The following PLEKHA8 variants were observed in gnomAD, a reference collection of about 807,000 sequenced individuals.
PLEKHA8 encodes the protein pleckstrin homology domain-containing family A member 8.
PLEKHA8 carries 36 observed loss-of-function variants against 68.2 expected under a neutral mutation model. The observed-to-expected ratio is 0.53, with a 90% CI of 0.40 to 0.70. The LOEUF is 0.70. PLEKHA8 is among the 30% of genes least tolerant of loss of function. The pLI is 0.00. For synonymous variants in PLEKHA8, 211 were observed against 216.1 expected (o/e 0.98, Z 0.20); for missense variants, 505 against 615.4 (o/e 0.82, Z 1.90).
rs1365361477 is a variant in PLEKHA8 at position 30,043,531 on chromosome 7, GA to G, written c.41-1553del. Among the ~76,000 whole-genome samples the G allele has an allele frequency of 5.3e-5, 8 of 152,288 alleles. No individual in the cohort carries two copies. The South Asian group carries it at 6.2e-4, about 12-fold the overall frequency. The stretch of plus-strand genomic sequence containing the variant: ...TAAGTTCAGATATTATGGGAGAGTG[GA>G]TGCTGGGAATTAGTGTTTATTTAGT... On this transcript the variant is annotated intron_variant, in intron 1 of 13. Coordinates refer to ENST00000449726, the MANE Select transcript of PLEKHA8 (RefSeq NM_001197026.2).
chr7:30,053,977 C>T (rs886150224), intron 7 of PLEKHA8, among the ~76,000 whole-genome samples: 2 of 152,164 alleles, frequency 1.3e-5, no homozygotes, highest in Admixed American at 1.3e-4. Context: ...TCACGGTGAA[C>T]AGCACTATTA....
intron 12 of PLEKHA8, among the ~76,000 whole-genome samples, chr7:30,063,665 G>C (rs1346622347): frequency 6.6e-6 from 1 of 152,108 alleles, no homozygotes; most frequent in Non-Finnish European, 1.5e-5. Context: ...TCCCGAGTCT[G>C]CCCCATCTAG....
downstream of PLEKHA8, among the ~76,000 whole-genome samples, chr7:30,092,442 T>C (rs1272061816): frequency 6.6e-6 from 1 of 151,958 alleles, no homozygotes; most frequent in Non-Finnish European, 1.5e-5. Flanking sequence ...AAGACCCTCA[T>C]CTAGTCATGT....
chr7:30,035,873 C>T (rs1441736187), intron 1 of PLEKHA8, among the ~76,000 whole-genome samples: 1 of 151,980 alleles, frequency 6.6e-6, no homozygotes, highest in Non-Finnish European at 1.5e-5. Flanking sequence ...GTCTTGAACT[C>T]CTGACCTCGT....
intron 1 of PLEKHA8, among the ~76,000 whole-genome samples, chr7:30,032,407 A>G (rs1376930251): frequency 6.6e-6 from 1 of 152,204 alleles, no homozygotes; most frequent in African/African-American, 2.4e-5. Context: ...AGTACTTACA[A>G]TGTGCCAAGC....
chr7:30,042,553 C>G (rs1348073407), intron 1 of PLEKHA8, among the ~76,000 whole-genome samples: 1 of 152,166 alleles, frequency 6.6e-6, no homozygotes, highest in Non-Finnish European at 1.5e-5. Context: ...TGTTCTATAC[C>G]AGGACAGCTT....
chr7:30,100,834 C>T (rs999570845), intron 13 of PLEKHA8, among the ~76,000 whole-genome samples: 1 of 152,174 alleles, frequency 6.6e-6, no homozygotes, highest in Non-Finnish European at 1.5e-5. Flanking sequence ...CCTGAGGATT[C>T]TGCAAAGACT....
At chr7:30,097,849 C>T (rs897420760) in intron 13 of PLEKHA8, among the ~76,000 whole-genome samples, 12 of 152,352 alleles carry the variant, frequency 7.9e-5, no homozygotes, top group African/African-American at 2.9e-4. Flanking sequence ...CTCTGTCCAG[C>T]TTTGTTCCGT....
At chr7:30,115,731 C>CGCATACAT (rs1385799332) in intron 13 of PLEKHA8, 3 of 119,448 alleles carry the variant, frequency 2.5e-5, no homozygotes, top group African/African-American at 9.2e-5. Flanking sequence ...CATGCATACA[C>CGCATACAT]GTATACATGT....
Position 30,062,669 on chromosome 7 carries a change from T to C in PLEKHA8, c.1230-3T>C, listed in dbSNP as rs1364955369. On this transcript the variant is annotated splice_region_variant and splice_polypyrimidine_tract_variant and intron_variant, in intron 11 of 13. Transcript: ENST00000449726. ...TAATATTTCTTCCTTTATTTTGTTT[T>C]AGAGGTCTCAAATTTTTGAAGGGAT... 16 of 1,605,598 alleles carry C rather than the reference T, an allele frequency of 1.0e-5. No individual in the cohort carries two copies. The highest frequency in any genetic ancestry group is 1.4e-5 in the Non-Finnish European group (16 of 1,172,530).
chr7:30,064,774 G>A (rs1397445310), intron 12 of PLEKHA8, among the ~76,000 whole-genome samples: 1 of 152,200 alleles, frequency 6.6e-6, no homozygotes, highest in Non-Finnish European at 1.5e-5. Flanking sequence ...GAATTTTCAT[G>A]CTAGCAGAAA....
intron 13 of PLEKHA8, among the ~76,000 whole-genome samples, chr7:30,096,801 A>T (rs536614930): frequency 4.7e-4 from 71 of 152,288 alleles, no homozygotes; most frequent in African/African-American, 1.7e-3. Flanking sequence ...TGTGTCTTTT[A>T]ATTGGAGCAT....
chr7:30,055,216 T>C (rs372521951), intron 8 of PLEKHA8, 41 bp from the exon 9 acceptor site: 14 of 1,553,448 alleles, frequency 9.0e-6, no homozygotes, highest in Admixed American at 3.3e-5. Flanking sequence ...GCTGATACTG[T>C]ATTTTCAATC....
In PLEKHA8 at chr7:30,046,195, C is replaced by A; in HGVS notation, c.158-15C>A. The A allele has an allele frequency of 6.4e-7, 1 of 1,570,630 alleles. No individual in the cohort carries two copies. Among genetic ancestry groups the A allele is most frequent in the South Asian group, 1.2e-5 (1 of 82,828 alleles). On this transcript the variant is annotated splice_polypyrimidine_tract_variant and intron_variant, in intron 2 of 13. Transcript: ENST00000449726. ...GCTCTTCTGAGTCTCTGATCTCCCT[C>A]TGTCTTGCTCCCAGTTCATTCTGTA...
Position 30,078,867 on chromosome 7 carries a change from C to T in PLEKHA8, c.*80C>T. 1 of 1,516,098 alleles carries T rather than the reference C, an allele frequency of 6.6e-7. No individual in the cohort carries two copies. The highest frequency in any genetic ancestry group is 2.3e-5 in the East Asian group (1 of 42,716). The allele number at this position is 1,516,098 out of a possible 1,614,324, so 93.9% of individuals were successfully genotyped here. On this transcript the variant is annotated 3_prime_UTR_variant, in exon 14 of 14. Coordinates refer to ENST00000449726, the MANE Select transcript of PLEKHA8 (RefSeq NM_001197026.2). ...TGCCCTACTTAATTTCCAGCAACAG[C>T]CTCAACCCTCTCCAACCCCTTCACC...
intron 9 of PLEKHA8, among the ~76,000 whole-genome samples, chr7:30,059,407 T>C (rs1310389629): frequency 6.6e-6 from 1 of 152,190 alleles, no homozygotes; most frequent in Non-Finnish European, 1.5e-5. Flanking sequence ...CTGTATTTGC[T>C]GAAGTCATTT....
At chr7:30,122,876 G>A (rs1796716414) in intron 13 of PLEKHA8, among the ~76,000 whole-genome samples, 1 of 152,184 alleles carries the variant, frequency 6.6e-6, no homozygotes, top group Admixed American at 6.5e-5. Context: ...ACAAAGAAGA[G>A]GAGGGGTGGG....
At chr7:30,038,966 T>G (rs1791317507) in intron 1 of PLEKHA8, among the ~76,000 whole-genome samples, 1 of 145,908 alleles carries the variant, frequency 6.9e-6, no homozygotes, top group Non-Finnish European at 1.5e-5. Context: ...CCAGTTTAGA[T>G]CCAAATATAA....
At chr7:30,056,817 A>ATG in intron 9 of PLEKHA8, among the ~76,000 whole-genome samples, 1 of 141,000 alleles carries the variant, frequency 7.1e-6, no homozygotes, top group Non-Finnish European at 1.5e-5. Context: ...TATATATGTT[A>ATG]TGTATATATA....
Sources: gnomAD v4.1 joint callset for allele counts (sites outside exome capture counted in the v4.1 genomes callset) on GRCh38, gnomAD v4.1.1 for gene constraint, MANE v1.5 for transcripts, NCBI Gene and HGNC (gene_info 2026-07-23, HGNC 2026-07-21) for gene names.